Variants in SYT16 observed in about 807,000 individuals in gnomAD.
The protein encoded by SYT16 is synaptotagmin-16.
SYT16 carries 42 observed loss-of-function variants against 61.4 expected under a neutral mutation model. The observed-to-expected ratio is 0.68, with a 90% CI of 0.53 to 0.89. The LOEUF (loss-of-function observed/expected upper bound fraction) is 0.89, where lower values mean the gene tolerates loss of function less well. Ranked by LOEUF, SYT16 falls within the 40% of genes least tolerant of loss-of-function variation. The pLI, the probability that SYT16 is intolerant of heterozygous loss-of-function variation, is 0.00. For synonymous variants in SYT16, 314 were observed against 302.3 expected (o/e 1.04, Z -0.40); for missense variants, 804 against 807.3 (o/e 1.00, Z 0.05).
At chr14:61,997,793 T>C (rs1479769850) in intron 3 of SYT16, among the ~76,000 whole-genome samples, 1 of 152,084 alleles carries the variant, frequency 6.6e-6, no homozygotes, top group Non-Finnish European at 1.5e-5. Flanking sequence ...GGTTGAACTA[T>C]ATTTGAAATT....
At chr14:61,839,681 T>C (rs1021581497) in intron 1 of SYT16, among the ~76,000 whole-genome samples, 1 of 152,154 alleles carries the variant, frequency 6.6e-6, no homozygotes, top group African/African-American at 2.4e-5. Context: ...GTGAACTGGG[T>C]TGGAGCCCAA....
chr14:61,907,021 TA>T (rs990021563), intron 1 of SYT16, among the ~76,000 whole-genome samples: 7 of 152,178 alleles, frequency 4.6e-5, no homozygotes, highest in African/African-American at 1.2e-4. Context: ...ATGATGGATA[TA>T]AAAAATACAT....
In SYT16 at chr14:61,848,133, GA is replaced by G. The variant is rs555333523; in HGVS notation, c.-325+35324del. On this transcript the variant is annotated intron_variant, in intron 1 of 7. Coordinates refer to ENST00000683842, the MANE Select transcript of SYT16 (RefSeq NM_001367656.1). The stretch of plus-strand genomic sequence containing the variant: ...GCTTGTGGATGTTTGTCTGTGTCTG[GA>G]CATTGAAGAATTAGGTATTTATTGT... Among the ~76,000 whole-genome samples, 323 of 152,268 alleles carry G rather than the reference GA, an allele frequency of 2.1e-3. 1 individual carries two copies. Among genetic ancestry groups the G allele is most frequent in the African/African-American group, 7.5e-3 (313 of 41,536 alleles).
At chr14:61,981,404 T>G (rs906834360) in intron 2 of SYT16, among the ~76,000 whole-genome samples, 1 of 152,108 alleles carries the variant, frequency 6.6e-6, no homozygotes, top group African/African-American at 2.4e-5. Flanking sequence ...TATATTATGG[T>G]GGGGAGGTTG....
intron 3 of SYT16, among the ~76,000 whole-genome samples, chr14:62,045,025 C>G (rs1712173206): frequency 6.6e-6 from 1 of 152,202 alleles, no homozygotes; most frequent in Middle Eastern, 3.4e-3. Context: ...GTAATCCTAG[C>G]AACTCAGGAG....
chr14:61,946,418 C>G (rs1032751294), intron 1 of SYT16, among the ~76,000 whole-genome samples: 2 of 151,958 alleles, frequency 1.3e-5, no homozygotes, highest in Non-Finnish European at 2.9e-5. Context: ...AAAGGTGGGA[C>G]GGTAGGAGGG....
At chr14:61,913,368 TTAAAGAC>T (rs1220356557) in intron 1 of SYT16, among the ~76,000 whole-genome samples, 1 of 152,106 alleles carries the variant, frequency 6.6e-6, no homozygotes, top group African/African-American at 2.4e-5. Context: ...ACTTTATACT[TTAAAGAC>T]TATAGTCTAT....
chr14:61,976,367 C>G (rs966999209), intron 2 of SYT16, among the ~76,000 whole-genome samples: 3 of 152,172 alleles, frequency 2.0e-5, no homozygotes, highest in African/African-American at 7.2e-5. Flanking sequence ...AAGTAGTGCC[C>G]CAGTGGGGAC....
chr14:62,064,764 T>C lies in SYT16; in HGVS notation c.524-4839T>C, dbSNP rs1595323902. Among the ~76,000 whole-genome samples, 5 of 152,280 alleles carry C rather than the reference T, an allele frequency of 3.3e-5. No homozygotes were observed. The South Asian group carries it at 1.0e-3, about 32-fold the overall frequency. ...CATTGTGCCTTAGTTTCTTCATTCATAGCCTGGGGATAATAATAGTACCTA... is the reference window on the plus strand; with the variant it reads ...CATTGTGCCTTAGTTTCTTCATTCACAGCCTGGGGATAATAATAGTACCTA... On this transcript the variant is annotated intron_variant, in intron 3 of 7. Coordinates refer to ENST00000683842, the MANE Select transcript of SYT16 (RefSeq NM_001367656.1).
intron 3 of SYT16, among the ~76,000 whole-genome samples, chr14:62,061,289 T>C (rs1439863992): frequency 3.3e-5 from 5 of 152,112 alleles, no homozygotes; most frequent in Non-Finnish European, 5.9e-5. Context: ...AATTGAATTC[T>C]AAGCAAACAG....
chr14:62,100,428 G>A lies in SYT16; in HGVS notation c.1659G>A (p.Val553=). The A allele has an allele frequency of 6.2e-7, 1 of 1,611,806 alleles. No individual in the cohort carries two copies. Among genetic ancestry groups the A allele is most frequent in the African/African-American group, 1.3e-5 (1 of 74,832 alleles). Residue 553 remains valine (V), a synonymous_variant, in exon 8 of 8, where the codon GTG becomes GTA. Transcript: ENST00000683842. ...GAAAACTCTTTCTCCTCAATTCTGT[G>A]GGTCAAGAGATGTCCCGTTGCAAGA... ...TYGKLFLLNS[V]GQEMSRCKTS... is the part of the protein sequence containing the mutation.
intron 1 of SYT16, among the ~76,000 whole-genome samples, chr14:61,963,675 C>G (rs2784503): frequency 0.14 from 21,711 of 152,094 alleles, 2,882 homozygotes; most frequent in African/African-American, 0.35. Context: ...GATGGTCTAC[C>G]TAAGATCAGA....
intron 1 of SYT16, among the ~76,000 whole-genome samples, chr14:61,835,918 G>A (rs1048332537): frequency 1.3e-5 from 2 of 152,180 alleles, no homozygotes; most frequent in African/African-American, 2.4e-5. Flanking sequence ...TGTCCCAGGT[G>A]AGTAAGACCC....
intron 3 of SYT16, among the ~76,000 whole-genome samples, chr14:62,045,452 A>C (rs1486615147): frequency 4.6e-5 from 7 of 151,724 alleles, no homozygotes; most frequent in Non-Finnish European, 1.0e-4. Context: ...TTCTTTTTTA[A>C]AATTTTATTA....
chr14:62,106,581 T>A lies in SYT16; in HGVS notation c.*5874T>A, dbSNP rs2057517523. 6.6e-6 allele frequency: 1 copy of A among 152,166 alleles called. No homozygotes were observed. Among genetic ancestry groups the A allele is most frequent in the Non-Finnish European group, 1.5e-5 (1 of 68,016 alleles). 9.4% of individuals were successfully genotyped at this position (152,166 alleles called of 1,614,324 possible). A position where few individuals can be genotyped will look rare whatever the true frequency, so the allele number is the denominator to read the frequency against. On this transcript the variant is annotated 3_prime_UTR_variant, in exon 8 of 8. Coordinates refer to ENST00000683842, the MANE Select transcript of SYT16 (RefSeq NM_001367656.1). ...TGTAACGTTAAAAAAGAATCAACAA[T>A]AACACTCCAGGCCTGTCTTCTTCCA... is the stretch of plus-strand genomic sequence containing the variant.
At chr14:61,826,968 G>A (rs2045791084) in intron 1 of SYT16, among the ~76,000 whole-genome samples, 1 of 151,902 alleles carries the variant, frequency 6.6e-6, no homozygotes, top group African/African-American at 2.4e-5. Context: ...TTTCCACTCT[G>A]CGGAAGCCCA....
intron 1 of SYT16, among the ~76,000 whole-genome samples, chr14:61,838,344 C>T (rs901941478): frequency 3.3e-5 from 5 of 152,156 alleles, no homozygotes; most frequent in African/African-American, 7.2e-5. Context: ...CAGTTGGCTC[C>T]GTCATGACCA....
At chr14:61,914,891 A>T (rs1260316273) in intron 1 of SYT16, among the ~76,000 whole-genome samples, 1 of 152,128 alleles carries the variant, frequency 6.6e-6, no homozygotes, top group Non-Finnish European at 1.5e-5. Context: ...TCTGGCTTAA[A>T]ACCCTCCACT....
chr14:62,089,286 TC>T (rs2056990184), intron 7 of SYT16, among the ~76,000 whole-genome samples: 1 of 148,806 alleles, frequency 6.7e-6, no homozygotes. Context: ...ACTACTGCAC[TC>T]CAGCCTGGGC....
Sources: gnomAD v4.1 joint callset for allele counts (sites outside exome capture counted in the v4.1 genomes callset) on GRCh38, gnomAD v4.1.1 for gene constraint, MANE v1.5 for transcripts, NCBI Gene and HGNC (gene_info 2026-07-23, HGNC 2026-07-21) for gene names.